Variants in INTS3 observed in about 807,000 individuals in gnomAD.
The protein encoded by INTS3 is integrator complex subunit 3, also known as SOSS complex subunit A.
Under a neutral mutation model 146.3 loss-of-function variants are expected in INTS3, and 34 were observed. The ratio of observed to expected loss-of-function variants is 0.23; its 90% CI spans 0.18 to 0.31. The LOEUF is 0.31. Ranked by LOEUF, INTS3 falls within the 10% of genes least tolerant of loss-of-function variation. The pLI, the probability that INTS3 is intolerant of heterozygous loss-of-function variation, is 1.00. For synonymous variants in INTS3, 475 were observed against 494.9 expected (o/e 0.96, Z 0.53); for missense variants, 757 against 1,304.2 (o/e 0.58, Z 6.46).
intron 5 of INTS3, 169 bp downstream of exon 5, chr1:153,747,532 T>A (rs1671795820): frequency 1.6e-6 from 1 of 626,606 alleles, no homozygotes; most frequent in Non-Finnish European, 2.9e-6. Flanking sequence ...ATAAATTGAT[T>A]GAAAAATCAT....
intron 5 of INTS3, 183 bp from the exon 6 acceptor site, chr1:153,748,506 C>G: frequency 1.5e-6 from 1 of 665,016 alleles, no homozygotes; most frequent in Non-Finnish European, 2.7e-6. Context: ...CCCTTTCCTT[C>G]TTTCTGGAGG....
chr1:153,761,140 C>A (rs1435656980), intron 13 of INTS3: 6 of 1,220,392 alleles, frequency 4.9e-6, no homozygotes, highest in Non-Finnish European at 6.6e-6. Flanking sequence ...TCCCTGTTGA[C>A]CCCCTTCAGG....
At position 153,772,024 on chromosome 1, in the gene INTS3, G is replaced by A. The variant is rs1169268518; in HGVS notation, c.2720+61G>A. On this transcript the variant is annotated intron_variant, in intron 26 of 29. Coordinates refer to ENST00000318967, the MANE Select transcript of INTS3 (RefSeq NM_023015.5). This position sits in a 1 kb window ranked among gnomAD's most constrained non-coding sequence, Gnocchi z 4.6. Reference sequence around the variant, plus strand: ...GCGGTCTGCAGTGATTGCTGTCGGTGGTGGTGGTGGTGGTGGTGGTGGTGG... The same window carrying A: ...GCGGTCTGCAGTGATTGCTGTCGGTAGTGGTGGTGGTGGTGGTGGTGGTGG... 5.5e-6 allele frequency: 7 copies of A among 1,283,592 alleles called. No individual in the cohort carries two copies. In the African/African-American group the frequency reaches 7.3e-5, roughly 13 times the overall value. The allele number at this position is 1,283,592 out of a possible 1,614,324, so 79.5% of individuals were successfully genotyped here. A position where few individuals can be genotyped will look rare whatever the true frequency, so the allele number is the denominator to read the frequency against.
intron 6 of INTS3, among the ~76,000 whole-genome samples, chr1:153,749,854 A>G (rs1035178022): frequency 1.3e-5 from 2 of 152,226 alleles, no homozygotes; most frequent in African/African-American, 4.8e-5. Flanking sequence ...GGTACCAAAT[A>G]CGTCCTGTCC....
intron 9 of INTS3, among the ~76,000 whole-genome samples, chr1:153,755,316 T>G (rs900708207): frequency 6.6e-6 from 1 of 152,106 alleles, no homozygotes; most frequent in Non-Finnish European, 1.5e-5. Context: ...CAGGCTAGAG[T>G]GCAGTGGCGC....
At chr1:153,755,635 A>C (rs1672131986) in intron 9 of INTS3, among the ~76,000 whole-genome samples, 1 of 152,168 alleles carries the variant, frequency 6.6e-6, no homozygotes, top group Admixed American at 6.5e-5. Context: ...TTTCCTAATC[A>C]GCTTTCCCAA....
At chr1:153,759,036 G>A (rs140500481) in intron 10 of INTS3, among the ~76,000 whole-genome samples, 2,557 of 151,984 alleles carry the variant, frequency 0.017, 39 homozygotes, top group Non-Finnish European at 0.024. Flanking sequence ...AGGATCACCC[G>A]AGCCTAAGAG....
Position 153,773,849 on chromosome 1 carries a change from G to T in INTS3, c.*579G>T, listed in dbSNP as rs149244420. Reference sequence around the variant, plus strand: ...CAAGCATTCAGAAAGGAGTCTGAAAGGGTGGCCACAGCCCCACGTGGTGTG... The same window carrying T: ...CAAGCATTCAGAAAGGAGTCTGAAATGGTGGCCACAGCCCCACGTGGTGTG... On this transcript the variant is annotated 3_prime_UTR_variant, in exon 30 of 30. Coordinates refer to ENST00000318967, the MANE Select transcript of INTS3 (RefSeq NM_023015.5). 4.2e-3 allele frequency: 718 copies of T among 170,484 alleles called. 3 individuals carry two copies. The highest frequency in any genetic ancestry group is 0.015 in the African/African-American group (624 of 41,596). The allele number at this position is 170,484 out of a possible 1,614,324, so 10.6% of individuals were successfully genotyped here. A position where few individuals can be genotyped will look rare whatever the true frequency, so the allele number is the denominator to read the frequency against.
chr1:153,770,076 TGTG>T (rs1558010104), intron 23 of INTS3, 119 bp from the exon 24 acceptor site: 1 of 427,040 alleles, frequency 2.3e-6, no homozygotes, highest in Non-Finnish European at 4.0e-6. Context: ...TGTGTGTGTG[TGTG>T]TGTGTGTGTG....
At chr1:153,767,975 C>T (rs1283580871) in intron 21 of INTS3, 148 bp downstream of exon 21, 2 of 692,002 alleles carry the variant, frequency 2.9e-6, no homozygotes, top group Non-Finnish European at 4.5e-6. Flanking sequence ...GCTGTCCCCT[C>T]CTTCCACTTC....
At position 153,757,984 on chromosome 1, in the gene INTS3, C is replaced by T. The variant is rs995286153; in HGVS notation, c.1149+221C>T. 6.6e-6 allele frequency among the ~76,000 whole-genome samples: 1 copy of T among 152,156 alleles called. No homozygotes were observed. Among genetic ancestry groups the T allele is most frequent in the Non-Finnish European group, 1.5e-5 (1 of 68,032 alleles). ...TGAGATTGAACAGGTTCATCTCCCCCATTACTGCCAACCCCCAAAAGCCTG... is the reference window on the plus strand; with the variant it reads ...TGAGATTGAACAGGTTCATCTCCCCTATTACTGCCAACCCCCAAAAGCCTG... On this transcript the variant is annotated intron_variant, in intron 10 of 29. Coordinates refer to ENST00000318967, the MANE Select transcript of INTS3 (RefSeq NM_023015.5). The surrounding 1 kb of genome is among the most constrained non-coding windows in gnomAD (Gnocchi z 4.0).
Position 153,773,662 on chromosome 1 carries a change from G to A in INTS3, c.*392G>A. The stretch of plus-strand genomic sequence containing the variant: ...AGGGGCAGCTGGCCAGATAAGCTAG[G>A]ATGAGAGCAGAGACTCAGTGTGTGG... On this transcript the variant is annotated 3_prime_UTR_variant, in exon 30 of 30. Transcript: ENST00000318967. The A allele has an allele frequency of 3.5e-6, 1 of 288,110 alleles. No individual in the cohort carries two copies. The highest frequency in any genetic ancestry group is 7.1e-6 in the Non-Finnish European group (1 of 141,802). The allele number at this position is 288,110 out of a possible 1,614,324, so 17.8% of individuals were successfully genotyped here.
chr1:153,771,868 C>T lies in INTS3; in HGVS notation c.2625C>T (p.Ile875=). The T allele has an allele frequency of 3.1e-6, 5 of 1,614,140 alleles. No individual in the cohort carries two copies. The highest frequency in any genetic ancestry group is 1.3e-5 in the African/African-American group (1 of 75,052). ...CTGACGACCAGTTCACCACCAGCATCCTGCGGCACTGGTGCATGAAACATG... is the reference window on the plus strand; with the variant it reads ...CTGACGACCAGTTCACCACCAGCATTCTGCGGCACTGGTGCATGAAACATG... ...CHPDDQFTTS[I]LRHWCMKHDE... The change falls in exon 26 of 30, where the codon ATC becomes ATT. Residue 875 remains isoleucine (I), a synonymous_variant. Transcript: ENST00000318967.
At chr1:153,765,086 A>C in intron 20 of INTS3, 23 bp downstream of exon 20, 1 of 1,613,926 alleles carries the variant, frequency 6.2e-7, no homozygotes, top group East Asian at 2.2e-5. Context: ...CCCATGTTTC[A>C]AATGGTGTCA....
At chr1:153,760,257 AAG>A (rs1210001534) in intron 11 of INTS3, 52 bp from the exon 12 acceptor site, 56 of 926,316 alleles carry the variant, frequency 6.0e-5, no homozygotes, top group African/African-American at 2.2e-4. Context: ...AAAAAAAAAA[AAG>A]AGAGAGAGAG....
At chr1:153,748,961 C>T (rs1470551221) in intron 6 of INTS3, among the ~76,000 whole-genome samples, 3 of 152,064 alleles carry the variant, frequency 2.0e-5, no homozygotes, top group South Asian at 2.1e-4. Flanking sequence ...AGGTCTTTGC[C>T]AAAATATCGC....
At chr1:153,764,077 G>T (rs775592177) in intron 17 of INTS3, 41 bp from the exon 18 acceptor site, 4 of 1,519,116 alleles carry the variant, frequency 2.6e-6, no homozygotes, top group Non-Finnish European at 3.7e-6. Flanking sequence ...GGAGGGCTTG[G>T]GTGTAGGTAG....
chr1:153,737,369 G>T (rs1671335414), intron 1 of INTS3, among the ~76,000 whole-genome samples: 1 of 152,200 alleles, frequency 6.6e-6, no homozygotes, highest in African/African-American at 2.4e-5. Context: ...TACCAATATT[G>T]CTTCTTCTGA....
At position 153,728,617 on chromosome 1, in the gene INTS3, C is replaced by T. The variant is rs1314588198; in HGVS notation, c.-18C>T. On this transcript the variant is annotated 5_prime_UTR_variant, in exon 1 of 30. Coordinates refer to ENST00000318967, the MANE Select transcript of INTS3 (RefSeq NM_023015.5). ...ATCCATCCACTCCCTGACCTTTTCC[C>T]GGCTCCTGGCTGCAGCCATGGAGTT... 1 of 1,594,144 alleles carries T rather than the reference C, an allele frequency of 6.3e-7. No homozygotes were observed. The highest frequency in any genetic ancestry group is 8.5e-7 in the Non-Finnish European group (1 of 1,173,328).
Sources: allele counts gnomAD v4.1 joint callset (sites outside exome capture counted in the v4.1 genomes callset), GRCh38; gene constraint gnomAD v4.1.1; non-coding constraint Gnocchi (gnomAD v3.1); transcripts MANE v1.5; gene names NCBI Gene and HGNC (gene_info 2026-07-23, HGNC 2026-07-21).